KYAT3: variants seen among roughly 807,000 people sequenced by gnomAD.
KYAT3 encodes the protein kynurenine aminotransferase 3.
A neutral mutation model predicts 59.0 loss-of-function variants in KYAT3; 50 were observed. The observed-to-expected ratio is 0.85, with a 90% CI of 0.68 to 1.07. KYAT3 has a LOEUF of 1.07. KYAT3 is among the 50% of genes least tolerant of loss of function. The pLI is 0.00. For synonymous variants in KYAT3, 148 were observed against 177.0 expected (o/e 0.84, Z 1.30); for missense variants, 497 against 533.3 (o/e 0.93, Z 0.67).
At chr1:88,968,541 G>A in intron 4 of KYAT3, 129 bp downstream of exon 4, 3 of 660,102 alleles carry the variant, frequency 4.5e-6, no homozygotes, top group Non-Finnish European at 7.3e-6. Context: ...TTCTGTGGTT[G>A]CTAGGATGGG....
At chr1:88,935,379 A>T (rs1674998219), downstream of KYAT3, among the ~76,000 whole-genome samples, 1 of 151,930 alleles carries the variant, frequency 6.6e-6, no homozygotes, top group Non-Finnish European at 1.5e-5. Context: ...AGAGAGAGAA[A>T]AAAAAAAGGG....
the KYAT3 span, chr1:88,923,984 A>G: frequency 6.2e-6 from 1 of 161,518 alleles, no homozygotes; most frequent in South Asian, 1.7e-4. Context: ...TCAACGAAAG[A>G]CCCAAAACTG....
chr1:88,982,776 A>G (rs766599433), intron 2 of KYAT3: 1 of 1,613,924 alleles, frequency 6.2e-7, no homozygotes, highest in Non-Finnish European at 8.5e-7. Context: ...CTTTCTACAG[A>G]AGGGGGAAGC....
At chr1:88,965,509 T>C (rs535623379) in intron 4 of KYAT3, among the ~76,000 whole-genome samples, 20 of 152,306 alleles carry the variant, frequency 1.3e-4, no homozygotes, top group Non-Finnish European at 2.4e-4. Flanking sequence ...CTACTCACAC[T>C]GACAGTCAAG....
chr1:88,992,673 G>C (rs1677888130), upstream of KYAT3: 1 of 152,882 alleles, frequency 6.5e-6, no homozygotes, highest in East Asian at 1.9e-4. Flanking sequence ...GCGGGGGGCG[G>C]AGCCGGGACA....
chr1:88,990,271 A>AAAAACATAAAAAACAAACAAAC (rs1553173412), intron 1 of KYAT3, among the ~76,000 whole-genome samples: 1 of 150,588 alleles, frequency 6.6e-6, no homozygotes, highest in African/African-American at 2.4e-5. Context: ...TCCCGGTTAA[A>AAAAACATAAAAAACAAACAAAC]AAACATAAAA....
chr1:88,924,184 G>A, the KYAT3 span, among the ~76,000 whole-genome samples: 1 of 152,222 alleles, frequency 6.6e-6, no homozygotes, highest in East Asian at 1.9e-4. Context: ...AGCAGGGTCT[G>A]GGGGTTTTAT....
chr1:88,969,790 T>A (rs1395956713), intron 2 of KYAT3, among the ~76,000 whole-genome samples: 1 of 152,094 alleles, frequency 6.6e-6, no homozygotes, highest in East Asian at 1.9e-4. Flanking sequence ...TATAGGCATA[T>A]CCTACTGTGC....
intron 13 of KYAT3, among the ~76,000 whole-genome samples, chr1:88,938,073 T>C (rs1675104321): frequency 6.6e-6 from 1 of 152,128 alleles, no homozygotes; most frequent in African/African-American, 2.4e-5. Context: ...GGTTATATTG[T>C]GGTTTGGGAG....
chr1:88,924,648 G>A, the KYAT3 span, among the ~76,000 whole-genome samples: 4 of 152,264 alleles, frequency 2.6e-5, no homozygotes, highest in Middle Eastern at 3.4e-3. Context: ...TTTGCTCGCC[G>A]TCTACCACTG....
the KYAT3 span, among the ~76,000 whole-genome samples, chr1:88,927,068 C>T: frequency 6.6e-6 from 1 of 152,244 alleles, no homozygotes; most frequent in South Asian, 2.1e-4. Flanking sequence ...GTAAGCGTAA[C>T]TAATCCGATA....
In KYAT3 at chr1:88,935,973, G is replaced by C. The variant is rs1196544609; in HGVS notation, c.*210C>G. The C allele has an allele frequency of 1.3e-5, 6 of 473,356 alleles. No individual in the cohort carries two copies. Among genetic ancestry groups the C allele is most frequent in the Non-Finnish European group, 2.3e-5 (6 of 263,492 alleles). The allele number at this position is 473,356 out of a possible 1,614,324, so 29.3% of individuals were successfully genotyped here. A position where few individuals can be genotyped will look rare whatever the true frequency, so the allele number is the denominator to read the frequency against. ...ATGCTGACTCTTATAAAATGATTGT[G>C]GAAGGTGTGTTAATACATTTCAACT... is the stretch of plus-strand genomic sequence containing the variant. On this transcript the variant is annotated 3_prime_UTR_variant, in exon 14 of 14. Transcript: ENST00000260508.
intron 10 of KYAT3, 106 bp downstream of exon 10, chr1:88,952,957 G>A: frequency 1.5e-6 from 1 of 681,706 alleles, no homozygotes; most frequent in Non-Finnish European, 2.6e-6. Flanking sequence ...AGAAGGCCCT[G>A]CAACAGAAGG....
At chr1:88,933,128 A>T (rs1191505814), downstream of KYAT3, among the ~76,000 whole-genome samples, 3 of 152,058 alleles carry the variant, frequency 2.0e-5, no homozygotes, top group African/African-American at 7.2e-5. Context: ...CTGTAATTTC[A>T]ATTTGCTTCT....
chr1:88,975,561 T>A (rs1676752649), intron 2 of KYAT3, among the ~76,000 whole-genome samples: 1 of 152,222 alleles, frequency 6.6e-6, no homozygotes, highest in Non-Finnish European at 1.5e-5. Flanking sequence ...CAAAACTAAT[T>A]ATCACAAGAA....
chr1:88,965,893 G>T (rs1377079982), intron 4 of KYAT3, among the ~76,000 whole-genome samples: 1 of 152,116 alleles, frequency 6.6e-6, no homozygotes, highest in Non-Finnish European at 1.5e-5. Flanking sequence ...TTAATAGCAG[G>T]TCTAACAAAT....
the KYAT3 span, among the ~76,000 whole-genome samples, chr1:88,928,302 A>G: frequency 2.0e-5 from 3 of 152,092 alleles, no homozygotes; most frequent in Admixed American, 2.0e-4. Flanking sequence ...TTAGGCCTGG[A>G]GCAAAACTTA....
downstream of KYAT3, among the ~76,000 whole-genome samples, chr1:88,930,948 T>C (rs768177267): frequency 3.3e-5 from 5 of 152,112 alleles, no homozygotes; most frequent in Non-Finnish European, 7.4e-5. Context: ...GAAATGCTTA[T>C]AGAAGGACCC....
intron 1 of KYAT3, among the ~76,000 whole-genome samples, chr1:88,991,838 G>A (rs1250314319): frequency 1.3e-5 from 2 of 152,250 alleles, no homozygotes; most frequent in Non-Finnish European, 2.9e-5. Context: ...TGGCCGCCAA[G>A]GAGCCACGCG....
Sources: gnomAD v4.1 joint callset for allele counts (sites outside exome capture counted in the v4.1 genomes callset) on GRCh38, gnomAD v4.1.1 for gene constraint, MANE v1.5 for transcripts, NCBI Gene and HGNC (gene_info 2026-07-23, HGNC 2026-07-21) for gene names.